Variants in TRMT11 observed in about 807,000 individuals in gnomAD.
TRMT11 encodes tRNA methyltransferase 11.
Under a neutral mutation model 62.8 loss-of-function variants are expected in TRMT11, and 53 were observed. The ratio of observed to expected loss-of-function variants is 0.84; its 90% CI spans 0.68 to 1.06. The LOEUF (loss-of-function observed/expected upper bound fraction) is 1.06. TRMT11 is among the 50% of genes least tolerant of loss of function. The probability of loss-of-function intolerance (pLI) is 0.00; values close to 1 mark genes in which losing one functional copy is unlikely to be tolerated. For synonymous variants in TRMT11, 188 were observed against 190.3 expected, an observed-to-expected ratio of 0.99 and a Z score of 0.10; for missense variants, 556 against 553.4, an observed-to-expected ratio of 1.00 and a Z score of -0.05.
chr6:126,239,632 C>T, the TRMT11 span, among the ~76,000 whole-genome samples: 4 of 152,132 alleles, frequency 2.6e-5, no homozygotes, highest in Non-Finnish European at 5.9e-5. Context: ...TCTCTGGCTG[C>T]CCTTAACATT....
chr6:126,215,262 C>G, the TRMT11 span, among the ~76,000 whole-genome samples: 8 of 151,972 alleles, frequency 5.3e-5, no homozygotes, highest in Non-Finnish European at 5.9e-5. Context: ...TCTGGATGAT[C>G]TAGTCCAATG....
At chr6:126,024,255 G>A (rs958157850) in intron 12 of TRMT11, among the ~76,000 whole-genome samples, 6 of 152,170 alleles carry the variant, frequency 3.9e-5, no homozygotes, top group African/African-American at 1.2e-4. Flanking sequence ...CACAGACTGG[G>A]CAACTTAACA....
At chr6:126,053,918 G>A (rs1583846919) in intron 17 of TRMT11, among the ~76,000 whole-genome samples, 1 of 152,162 alleles carries the variant, frequency 6.6e-6, no homozygotes, top group East Asian at 1.9e-4. Context: ...GGGCGGGAAG[G>A]GGGATTCCAG....
At chr6:126,186,536 A>T (rs200719452) in intron 1 of TRMT11, among the ~76,000 whole-genome samples, 1 of 152,194 alleles carries the variant, frequency 6.6e-6, no homozygotes, top group South Asian at 2.1e-4. Context: ...AGGTGACTAT[A>T]AAATGTTGAC....
chr6:126,207,143 C>T (rs1461650596), downstream of TRMT11, among the ~76,000 whole-genome samples: 1 of 152,046 alleles, frequency 6.6e-6, no homozygotes, highest in East Asian at 1.9e-4. Flanking sequence ...GGTTCTTTGC[C>T]CAACATTCAT....
At chr6:126,198,089 C>A (rs1055571096) in intron 1 of TRMT11, among the ~76,000 whole-genome samples, 1 of 152,178 alleles carries the variant, frequency 6.6e-6, no homozygotes, top group Non-Finnish European at 1.5e-5. Flanking sequence ...ACATTTTAGA[C>A]ATAGCTTACA....
At chr6:126,140,112 G>A (rs557145460) in intron 21 of TRMT11, among the ~76,000 whole-genome samples, 41 of 151,944 alleles carry the variant, frequency 2.7e-4, no homozygotes, top group African/African-American at 9.2e-4. Context: ...TAAAAATGAG[G>A]TATTAAATTT....
At chr6:126,253,516 T>A in the TRMT11 span, among the ~76,000 whole-genome samples, 1 of 152,244 alleles carries the variant, frequency 6.6e-6, no homozygotes, top group Non-Finnish European at 1.5e-5. Context: ...CTTCTGGACT[T>A]TTTAAAGGCT....
chr6:126,088,327 A>G (rs1040030974), intron 17 of TRMT11, among the ~76,000 whole-genome samples: 6 of 152,174 alleles, frequency 3.9e-5, no homozygotes, highest in Non-Finnish European at 8.8e-5. Flanking sequence ...TTTTCAAATT[A>G]TAAGCTTATG....
At chr6:126,154,919 T>G (rs1037748366) in intron 21 of TRMT11, among the ~76,000 whole-genome samples, 2 of 152,170 alleles carry the variant, frequency 1.3e-5, no homozygotes, top group Admixed American at 6.5e-5. Flanking sequence ...ATGGACTGTT[T>G]TAGACCTAGG....
intron 18 of TRMT11, among the ~76,000 whole-genome samples, chr6:126,113,934 C>T (rs982089153): frequency 3.3e-5 from 5 of 152,080 alleles, no homozygotes; most frequent in Admixed American, 3.3e-4. Flanking sequence ...AATGTCAATG[C>T]TGTTGGTCCA....
chr6:125,986,572 A>G lies in TRMT11; in HGVS notation c.22A>G (p.Asn8Asp). 2.5e-6 allele frequency: 4 copies of G among 1,592,344 alleles called. No homozygotes were observed. Among genetic ancestry groups the G allele is most frequent in the African/African-American group, 1.3e-5 (1 of 74,866 alleles). ...TGCAATGGCGCTGTCGTGTACCCTT[A>G]ACAGGTATCTGCTCCTCATGGCGCA... MALSCTL[N>D]RYLLLMAQEH... The change falls in exon 1 of 13, where the codon AAC becomes GAC. Residue 8 changes from asparagine (N) to aspartate (D), a missense_variant. By Grantham distance (23) the Asn-to-Asp change is conservative. Transcript: ENST00000334379.
chr6:126,024,231 G>C (rs1013578768), intron 12 of TRMT11, among the ~76,000 whole-genome samples: 2 of 152,086 alleles, frequency 1.3e-5, no homozygotes, highest in African/African-American at 4.8e-5. Context: ...GCTTGGGCTG[G>C]CATAACCAAA....
chr6:126,037,728 T>C (rs1775446759), intron 12 of TRMT11, among the ~76,000 whole-genome samples: 1 of 152,026 alleles, frequency 6.6e-6, no homozygotes, highest in African/African-American at 2.4e-5. Flanking sequence ...CTAGGTATGA[T>C]GGAAAAATGA....
intron 12 of TRMT11, among the ~76,000 whole-genome samples, chr6:126,022,811 A>G (rs1281948047): frequency 6.6e-6 from 1 of 152,252 alleles, no homozygotes; most frequent in Non-Finnish European, 1.5e-5. Flanking sequence ...GTGTACATAC[A>G]TATAAACATA....
At chr6:126,185,890 T>C (rs765279638) in intron 1 of TRMT11, among the ~76,000 whole-genome samples, 2 of 152,070 alleles carry the variant, frequency 1.3e-5, no homozygotes, top group Non-Finnish European at 2.9e-5. Flanking sequence ...TCAGATCTCA[T>C]GAGAACTCAC....
intron 21 of TRMT11, among the ~76,000 whole-genome samples, chr6:126,132,895 C>A (rs1480881151): frequency 2.0e-5 from 3 of 151,964 alleles, no homozygotes; most frequent in African/African-American, 7.2e-5. Flanking sequence ...TTCTTTCAAC[C>A]AAATCTGAAA....
the TRMT11 span, among the ~76,000 whole-genome samples, chr6:126,263,126 G>T: frequency 2.6e-5 from 4 of 151,852 alleles, no homozygotes; most frequent in Non-Finnish European, 4.4e-5. Context: ...GGGGAGAAAA[G>T]AATTATGTTC....
intron 21 of TRMT11, among the ~76,000 whole-genome samples, chr6:126,149,043 T>C (rs1349870377): frequency 6.6e-6 from 1 of 152,234 alleles, no homozygotes; most frequent in African/African-American, 2.4e-5. Context: ...GTAATTATTG[T>C]GTCAAAGTTG....
Sources: allele counts gnomAD v4.1 joint callset (sites outside exome capture counted in the v4.1 genomes callset), GRCh38; gene constraint gnomAD v4.1.1; transcripts MANE v1.5; gene names NCBI Gene and HGNC (gene_info 2026-07-23, HGNC 2026-07-21).